VWA8: variants seen among roughly 807,000 people sequenced by gnomAD.
The protein encoded by VWA8 is von Willebrand factor A domain containing 8.
In VWA8, 221 loss-of-function variants were observed where a neutral mutation model predicts 241.5. The ratio of observed to expected loss-of-function variants is 0.91; its 90% CI spans 0.82 to 1.02. The LOEUF (loss-of-function observed/expected upper bound fraction) is 1.02, where lower values mean the gene tolerates loss of function less well. Among genes scored for constraint, VWA8 ranks in the 50% least tolerant of loss-of-function variants. The pLI is 0.00. For synonymous variants in VWA8, 852 were observed against 827.1 expected, an observed-to-expected ratio of 1.03 and a Z score of -0.52; for missense variants, 2,322 against 2,328.7, an observed-to-expected ratio of 1.00 and a Z score of 0.06.
intron 44 of VWA8, among the ~76,000 whole-genome samples, chr13:41,570,031 G>A (rs2044290085): frequency 6.6e-6 from 1 of 152,002 alleles, no homozygotes; most frequent in Non-Finnish European, 1.5e-5. Context: ...ACATATGTGT[G>A]TATATATATG....
chr13:41,886,595 A>G (rs1342834996), intron 7 of VWA8, among the ~76,000 whole-genome samples, 186 bp downstream of exon 7: 1 of 152,180 alleles, frequency 6.6e-6, no homozygotes, highest in African/African-American at 2.4e-5. Flanking sequence ...ATATCTTTCA[A>G]CTCTATTAGA....
At chr13:41,873,343 TG>T (rs1873733103) in intron 9 of VWA8, among the ~76,000 whole-genome samples, 1 of 151,726 alleles carries the variant, frequency 6.6e-6, no homozygotes, top group South Asian at 2.1e-4. Context: ...AGAGCAGAAC[TG>T]AAGGAAATTG....
chr13:41,902,468 C>G (rs1210637059), intron 4 of VWA8, among the ~76,000 whole-genome samples: 1 of 152,026 alleles, frequency 6.6e-6, no homozygotes, highest in African/African-American at 2.4e-5. Flanking sequence ...ATTATGCTAC[C>G]CTTCTTTACT....
chr13:41,621,801 T>C (rs2044658999), intron 37 of VWA8, among the ~76,000 whole-genome samples: 1 of 152,100 alleles, frequency 6.6e-6, no homozygotes, highest in Non-Finnish European at 1.5e-5. Context: ...AAACCTATAA[T>C]GGCCATGAGG....
chr13:41,703,560 G>A (rs2045264155), intron 26 of VWA8, 149 bp from the exon 27 acceptor site: 6 of 636,020 alleles, frequency 9.4e-6, no homozygotes, highest in Admixed American at 8.8e-5. Context: ...AAACGACAGT[G>A]TATAAAATCA....
intron 43 of VWA8, among the ~76,000 whole-genome samples, chr13:41,573,486 A>AAAAAAAAAAAT: frequency 1.8e-5 from 2 of 113,600 alleles, no homozygotes; most frequent in African/African-American, 6.9e-5. Flanking sequence ...AAAAAAAAAA[A>AAAAAAAAAAAT]ATATATATAT....
intron 20 of VWA8, among the ~76,000 whole-genome samples, chr13:41,765,110 T>A (rs1462566962): frequency 2.6e-5 from 4 of 152,036 alleles, no homozygotes; most frequent in Non-Finnish European, 5.9e-5. Flanking sequence ...GAAGTCAAAG[T>A]TTCTGTCTTG....
intron 2 of VWA8, among the ~76,000 whole-genome samples, chr13:41,915,460 C>T (rs188018860): frequency 1.3e-5 from 2 of 152,328 alleles, no homozygotes; most frequent in Admixed American, 6.5e-5. Flanking sequence ...ATTTGGTACA[C>T]CACTGATATT....
chr13:41,673,860 G>T (rs1263743495), intron 36 of VWA8, among the ~76,000 whole-genome samples: 1 of 152,074 alleles, frequency 6.6e-6, no homozygotes, highest in East Asian at 1.9e-4. Context: ...TCCATGGCAG[G>T]TATAACATGT....
At chr13:41,920,315 G>A (rs1022673356) in intron 2 of VWA8, among the ~76,000 whole-genome samples, 5 of 152,044 alleles carry the variant, frequency 3.3e-5, no homozygotes, top group African/African-American at 1.2e-4. Flanking sequence ...TCTGCACACT[G>A]CCCTCCATGG....
chr13:41,592,811 A>G (rs1338493520), intron 40 of VWA8, among the ~76,000 whole-genome samples: 3 of 151,714 alleles, frequency 2.0e-5, no homozygotes, highest in African/African-American at 7.3e-5. Flanking sequence ...TCTGATCTGA[A>G]GCAAATTACT....
At chr13:41,809,493 T>C (rs1293348725) in intron 17 of VWA8, among the ~76,000 whole-genome samples, 3 of 152,084 alleles carry the variant, frequency 2.0e-5, no homozygotes, top group South Asian at 2.1e-4. Context: ...GTCAAGACCA[T>C]ACATTGGGGA....
intron 15 of VWA8, among the ~76,000 whole-genome samples, chr13:41,818,610 C>T (rs550996509): frequency 6.6e-6 from 1 of 152,238 alleles, no homozygotes; most frequent in South Asian, 2.1e-4. Context: ...GCTAGTGCTA[C>T]TGCATTGAAG....
intron 12 of VWA8, among the ~76,000 whole-genome samples, chr13:41,836,325 A>T (rs547223211): frequency 6.6e-6 from 1 of 152,348 alleles, no homozygotes; most frequent in East Asian, 1.9e-4. Context: ...AACTAATATC[A>T]TACTTTCAAA....
At chr13:41,715,779 T>A (rs1200722910) in intron 26 of VWA8, among the ~76,000 whole-genome samples, 3 of 151,980 alleles carry the variant, frequency 2.0e-5, no homozygotes, top group Non-Finnish European at 4.4e-5. Context: ...AATCCTCCTA[T>A]CTCTCCCTAC....
chr13:41,948,910 A>C (rs1168447003), intron 2 of VWA8, among the ~76,000 whole-genome samples: 2 of 152,076 alleles, frequency 1.3e-5, no homozygotes, highest in African/African-American at 4.8e-5. Context: ...TAGGTACAGC[A>C]ACATAGATGA....
At chr13:41,675,515 A>G (rs2045054704) in intron 35 of VWA8, among the ~76,000 whole-genome samples, 1 of 152,034 alleles carries the variant, frequency 6.6e-6, no homozygotes, top group South Asian at 2.1e-4. Flanking sequence ...AACCTAAGTT[A>G]TTTTCATTGT....
chr13:41,954,206 G>A (rs1878262310), intron 1 of VWA8, among the ~76,000 whole-genome samples: 1 of 150,318 alleles, frequency 6.7e-6, no homozygotes, highest in African/African-American at 2.5e-5. Context: ...TTTCAGTTAA[G>A]GGTACTCTTC....
At chr13:41,727,376 CA>C in intron 23 of VWA8, 63 bp from the exon 24 acceptor site, 2 of 1,135,484 alleles carry the variant, frequency 1.8e-6, no homozygotes, top group Non-Finnish European at 2.4e-6. Flanking sequence ...TATCAAGCAA[CA>C]ATCTTTTAGA....
Sources: allele counts gnomAD v4.1 joint callset (sites outside exome capture counted in the v4.1 genomes callset), GRCh38; gene constraint gnomAD v4.1.1; transcripts MANE v1.5; gene names NCBI Gene and HGNC (gene_info 2026-07-23, HGNC 2026-07-21).